The following ITGA9 variants were observed in gnomAD, a reference collection of about 807,000 sequenced individuals.
The protein encoded by ITGA9 is integrin alpha-9.
A neutral mutation model predicts 127.8 loss-of-function variants in ITGA9; 56 were observed. The observed-to-expected ratio is 0.44, with a 90% CI of 0.35 to 0.55. The LOEUF is 0.55. Ranked by LOEUF, ITGA9 falls within the 20% of genes least tolerant of loss-of-function variation. The probability of loss-of-function intolerance (pLI) is 0.00; values close to 1 mark genes in which losing one functional copy is unlikely to be tolerated. For synonymous variants in ITGA9, 508 were observed against 514.5 expected (o/e 0.99, Z 0.17); for missense variants, 1,196 against 1,347.1 (o/e 0.89, Z 1.76).
intron 16 of ITGA9, among the ~76,000 whole-genome samples, chr3:37,644,825 C>G (rs936441940): frequency 2.0e-5 from 3 of 152,158 alleles, no homozygotes; most frequent in Non-Finnish European, 4.4e-5. Context: ...GATTCCTCAG[C>G]TTTAATTTCA....
At chr3:37,566,188 C>A (rs565141716) in intron 15 of ITGA9, among the ~76,000 whole-genome samples, 1 of 152,204 alleles carries the variant, frequency 6.6e-6, no homozygotes, top group South Asian at 2.1e-4. Context: ...ATTCTAAGAC[C>A]CCTAGTAGAT....
intron 26 of ITGA9, among the ~76,000 whole-genome samples, chr3:37,800,053 G>A (rs906627448): frequency 1.3e-5 from 2 of 152,204 alleles, no homozygotes; most frequent in Non-Finnish European, 2.9e-5. Context: ...CATCCAAGGG[G>A]ATGAACAGCA....
rs1368683108 is a variant in ITGA9 at position 37,819,023 on chromosome 3, C to T, written c.*34C>T. On this transcript the variant is annotated 3_prime_UTR_variant, in exon 28 of 28. Coordinates refer to ENST00000264741, the MANE Select transcript of ITGA9 (RefSeq NM_002207.3). ...ACCAGTCACATGACCTGATCACTAG[C>T]CTGTCATCCTTGGTCTTTGTATCTT... is the stretch of plus-strand genomic sequence containing the variant. 5 of 1,416,002 alleles carry T rather than the reference C, an allele frequency of 3.5e-6. No homozygotes were observed. Among genetic ancestry groups the T allele is most frequent in the Non-Finnish European group, 5.0e-6 (5 of 999,408 alleles). The allele number at this position is 1,416,002 out of a possible 1,614,324, so 87.7% of individuals were successfully genotyped here.
At chr3:37,705,245 G>C (rs1375636935) in intron 18 of ITGA9, among the ~76,000 whole-genome samples, 1 of 152,154 alleles carries the variant, frequency 6.6e-6, no homozygotes, top group Non-Finnish European at 1.5e-5. Flanking sequence ...TGAAAATAGA[G>C]GATTTTTAAT....
chr3:37,624,200 C>CTTTTTTTTT lies in ITGA9; in HGVS notation c.1690-4972_1690-4964dup, dbSNP rs58307041. ...GGTTAGCTAAGGAAGAAAAAAAACCCTTTTTTTTTTTTTTTTTTTTTTTAA... is the reference window on the plus strand; with the variant it reads ...GGTTAGCTAAGGAAGAAAAAAAACCCTTTTTTTTTTTTTTTTTTTTTTTTTTTTTTTTAA... On this transcript the variant is annotated intron_variant, in intron 15 of 27. Transcript: ENST00000264741. Among the ~76,000 whole-genome samples the CTTTTTTTTT allele has an allele frequency of 1.0e-4, 9 of 85,766 alleles. 1 individual carries two copies. The highest frequency in any genetic ancestry group is 3.4e-4 in the East Asian group (1 of 2,960). 56.3% of individuals were successfully genotyped at this position (85,766 alleles called of 152,430 possible).
At chr3:37,647,908 C>A (rs1213511879) in intron 16 of ITGA9, among the ~76,000 whole-genome samples, 3 of 151,920 alleles carry the variant, frequency 2.0e-5, no homozygotes, top group Non-Finnish European at 4.4e-5. Flanking sequence ...ACCACAATTT[C>A]TTTATCCATT....
chr3:37,676,827 A>G (rs951820052), intron 17 of ITGA9, among the ~76,000 whole-genome samples: 5 of 152,292 alleles, frequency 3.3e-5, no homozygotes, highest in Non-Finnish European at 7.4e-5. Context: ...TTCTGCTAAG[A>G]GTGTCCTTCT....
intron 15 of ITGA9, among the ~76,000 whole-genome samples, chr3:37,613,120 C>T (rs900632004): frequency 6.6e-6 from 1 of 151,648 alleles, no homozygotes; most frequent in African/African-American, 2.4e-5. Context: ...CCCAGCCCCC[C>T]ACCCCACAAC....
chr3:37,556,168 C>G (rs1200045095), intron 15 of ITGA9, among the ~76,000 whole-genome samples: 1 of 152,306 alleles, frequency 6.6e-6, no homozygotes, highest in East Asian at 1.9e-4. Flanking sequence ...AGGTCTTGCT[C>G]TGATCAACCA....
At chr3:37,486,894 A>G (rs958236904) in intron 4 of ITGA9, among the ~76,000 whole-genome samples, 2 of 152,226 alleles carry the variant, frequency 1.3e-5, no homozygotes, top group Non-Finnish European at 2.9e-5. Flanking sequence ...TTATCAGGGA[A>G]TGACTGGCTT....
chr3:37,604,617 C>T (rs1446851731), intron 15 of ITGA9, among the ~76,000 whole-genome samples: 1 of 152,188 alleles, frequency 6.6e-6, no homozygotes, highest in African/African-American at 2.4e-5. Context: ...GTAGAAATCA[C>T]GTGCTTAGTC....
chr3:37,818,417 C>T (rs963791666), intron 27 of ITGA9: 2 of 176,042 alleles, frequency 1.1e-5, no homozygotes, highest in African/African-American at 4.8e-5. Flanking sequence ...CACACACCAC[C>T]ATGCCCAGCT....
At chr3:37,714,317 T>C (rs1016287132) in intron 18 of ITGA9, among the ~76,000 whole-genome samples, 1 of 152,232 alleles carries the variant, frequency 6.6e-6, no homozygotes, top group African/African-American at 2.4e-5. Context: ...TTTTCAGCAC[T>C]TCCTCACCAC....
intron 1 of ITGA9, among the ~76,000 whole-genome samples, chr3:37,461,016 G>C (rs1420401566): frequency 3.3e-5 from 5 of 152,114 alleles, no homozygotes; most frequent in Admixed American, 2.6e-4. Context: ...TAGTGTCCAA[G>C]TGCTGTGATG....
intron 23 of ITGA9, among the ~76,000 whole-genome samples, chr3:37,752,389 C>A (rs1424679497): frequency 2.0e-5 from 3 of 152,166 alleles, no homozygotes; most frequent in African/African-American, 7.2e-5. Context: ...CATTCCCTCC[C>A]CACCCCCACT....
At chr3:37,675,611 T>C (rs1303341108) in intron 17 of ITGA9, among the ~76,000 whole-genome samples, 1 of 152,160 alleles carries the variant, frequency 6.6e-6, no homozygotes, top group Non-Finnish European at 1.5e-5. Context: ...TTGGTGAAAC[T>C]CAAAATTACT....
chr3:37,466,935 G>A (rs1295087695), intron 1 of ITGA9, among the ~76,000 whole-genome samples: 1 of 152,216 alleles, frequency 6.6e-6, no homozygotes, highest in Non-Finnish European at 1.5e-5. Flanking sequence ...TGGCTAGGAT[G>A]TCTTTTTATA....
chr3:37,744,058 C>T (rs1475749381), intron 22 of ITGA9, 24 bp downstream of exon 22: 25 of 1,487,682 alleles, frequency 1.7e-5, no homozygotes, highest in Non-Finnish European at 2.3e-5. Flanking sequence ...GAGACCTCCT[C>T]TGTCCGTGGG....
chr3:37,523,285 C>T (rs1403088914), intron 11 of ITGA9, among the ~76,000 whole-genome samples: 1 of 151,916 alleles, frequency 6.6e-6, no homozygotes, highest in Non-Finnish European at 1.5e-5. Context: ...TTCATTAACA[C>T]AGAACTTAGA....
Sources: allele counts gnomAD v4.1 joint callset (sites outside exome capture counted in the v4.1 genomes callset), GRCh38; gene constraint gnomAD v4.1.1; transcripts MANE v1.5; gene names NCBI Gene and HGNC (gene_info 2026-07-23, HGNC 2026-07-21).